Variants in RELN observed in about 807,000 individuals in gnomAD.
RELN encodes reelin.
A neutral mutation model predicts 427.6 loss-of-function variants in RELN; 108 were observed. The observed-to-expected ratio is 0.25, with a 90% CI of 0.22 to 0.30. The LOEUF is 0.30. RELN is among the 10% of genes least tolerant of loss of function. RELN has a pLI of 1.00. For missense variants in RELN, 3,715 were observed against 4,302.8 expected, an observed-to-expected ratio of 0.86 and a Z score of 3.82; for synonymous variants, 1,524 against 1,513.4, an observed-to-expected ratio of 1.01 and a Z score of -0.16.
intron 44 of RELN, among the ~76,000 whole-genome samples, chr7:103,539,685 T>C (rs1291725986): frequency 1.3e-5 from 2 of 152,228 alleles, no homozygotes; most frequent in African/African-American, 4.8e-5. Flanking sequence ...CCTAAGGCAT[T>C]TCAGTTCCAA....
intron 10 of RELN, 108 bp from the exon 11 acceptor site, chr7:103,682,369 T>A: frequency 8.9e-7 from 1 of 1,120,106 alleles, no homozygotes; most frequent in Admixed American, 1.7e-5. Flanking sequence ...TATTAGCTCC[T>A]CTATGATGGA....
intron 2 of RELN, among the ~76,000 whole-genome samples, chr7:103,871,022 G>C (rs746411602): frequency 7.9e-5 from 12 of 152,072 alleles, no homozygotes; most frequent in African/African-American, 1.2e-4. Flanking sequence ...CAGAAAACAG[G>C]GGTGATCATG....
chr7:103,721,060 C>T (rs1790064036), intron 8 of RELN, among the ~76,000 whole-genome samples: 1 of 152,120 alleles, frequency 6.6e-6, no homozygotes. Flanking sequence ...CAATAAATTA[C>T]AATTTCTTTT....
In RELN at chr7:103,890,346, C is replaced by T. The variant is rs539876470; in HGVS notation, c.337+26729G>A. Among the ~76,000 whole-genome samples the T allele has an allele frequency of 2.0e-5, 3 of 152,174 alleles. No individual in the cohort carries two copies. In the South Asian group the frequency reaches 6.2e-4, roughly 32 times the overall value. On this transcript the variant is annotated intron_variant, in intron 2 of 64. Coordinates refer to ENST00000428762, the MANE Select transcript of RELN (RefSeq NM_005045.4). ...ACAGGTGTCCCCAACTGCAGGGCCACGGAGCAGTAGTGGTCCCTGGCCCAT... is the reference window on the plus strand; with the variant it reads ...ACAGGTGTCCCCAACTGCAGGGCCATGGAGCAGTAGTGGTCCCTGGCCCAT...
Position 103,574,165 on chromosome 7 carries a change from C to T in RELN, c.4438G>A (p.Gly1480Ser), listed in dbSNP as rs201371893. 1 of 1,614,164 alleles carries T rather than the reference C, an allele frequency of 6.2e-7. No homozygotes were observed. The change falls in exon 30 of 65, where the codon GGC (glycine) becomes AGC (serine). Residue 1480 changes from glycine to serine, a missense_variant. This residue lies in a region of RELN where 2,208 missense variants were observed against 2,361.7 expected (regional missense o/e 0.93). Transcript: ENST00000428762. ...GGGCCATTGAAGTAGAGAGATTTGC[C>T]ATCGTTAAGTGTTCCACAGCCAGTT... ...VGTGCGTLND[G>S]KSLYFNGPGK...
chr7:103,597,368 C>T (rs1055749976), intron 24 of RELN, among the ~76,000 whole-genome samples: 8 of 152,062 alleles, frequency 5.3e-5, no homozygotes, highest in African/African-American at 1.7e-4. Context: ...TTTGGGAGGC[C>T]GAAGTGGGTG....
chr7:103,759,415 C>T (rs993907917), intron 4 of RELN, among the ~76,000 whole-genome samples: 1 of 152,096 alleles, frequency 6.6e-6, no homozygotes, highest in African/African-American at 2.4e-5. Context: ...TAACATGCTT[C>T]TTGGTCTCTT....
At chr7:103,791,036 A>G (rs1415623396) in intron 3 of RELN, among the ~76,000 whole-genome samples, 3 of 152,192 alleles carry the variant, frequency 2.0e-5, no homozygotes, top group Non-Finnish European at 1.5e-5. Context: ...ATTGAAAAGA[A>G]TAAGGTACTT....
intron 1 of RELN, among the ~76,000 whole-genome samples, chr7:103,966,904 A>G (rs1796671101): frequency 6.6e-6 from 1 of 152,114 alleles, no homozygotes; most frequent in Non-Finnish European, 1.5e-5. Context: ...TGCTTCCACC[A>G]TTTCTTCAAC....
At position 103,640,864 on chromosome 7, in the gene RELN, C is replaced by A. The variant is rs1281961075; in HGVS notation, c.2003-255G>T. On this transcript the variant is annotated intron_variant, in intron 16 of 64. Transcript: ENST00000428762. This position sits in a 1 kb window ranked among gnomAD's most constrained non-coding sequence, Gnocchi z 4.1. Reference sequence around the variant, plus strand: ...AAGATAGGAGCTTATGATTTGAATTCTTAATAGAGTCTATTAGACAATATT... The same window carrying A: ...AAGATAGGAGCTTATGATTTGAATTATTAATAGAGTCTATTAGACAATATT... Among the ~76,000 whole-genome samples the A allele has an allele frequency of 6.6e-6, 1 of 152,120 alleles. No individual in the cohort carries two copies. Among genetic ancestry groups the A allele is most frequent in the African/African-American group, 2.4e-5 (1 of 41,436 alleles).
At chr7:103,510,470 C>T (rs916730924) in intron 51 of RELN, among the ~76,000 whole-genome samples, 14 of 151,800 alleles carry the variant, frequency 9.2e-5, no homozygotes, top group Middle Eastern at 3.4e-3. Flanking sequence ...AGGAACATCA[C>T]GCACTGTGGG....
In RELN at chr7:103,961,122, T is replaced by C. The variant is rs117254464; in HGVS notation, c.226+28009A>G. On this transcript the variant is annotated intron_variant, in intron 1 of 64. Coordinates refer to ENST00000428762, the MANE Select transcript of RELN (RefSeq NM_005045.4). ...CAAGAAATAGAACAGTAGACATGCC[T>C]GTTATAGGTACCTGTATTCTTCACT... is the stretch of plus-strand genomic sequence containing the variant. Among the ~76,000 whole-genome samples the C allele has an allele frequency of 2.8e-3, 432 of 152,370 alleles. 2 individuals carry two copies. Among genetic ancestry groups the C allele is most frequent in the Non-Finnish European group, 5.0e-3 (342 of 68,038 alleles).
At chr7:103,900,787 A>G (rs963166828) in intron 2 of RELN, among the ~76,000 whole-genome samples, 1 of 152,118 alleles carries the variant, frequency 6.6e-6, no homozygotes, top group Non-Finnish European at 1.5e-5. Context: ...CTGGCTAGCT[A>G]TATGCAGAAA....
At chr7:103,490,907 G>T in intron 58 of RELN, 78 bp from the exon 59 acceptor site, 2 of 1,432,976 alleles carry the variant, frequency 1.4e-6, no homozygotes, top group Non-Finnish European at 1.9e-6. Context: ...AATGCTTTGT[G>T]ATCGGGTTAA....
chr7:103,710,007 TAAGACA>T (rs1415823690), intron 8 of RELN, among the ~76,000 whole-genome samples: 2 of 152,156 alleles, frequency 1.3e-5, no homozygotes, highest in African/African-American at 4.8e-5. Flanking sequence ...GAAGTGTCAA[TAAGACA>T]AATGTCAGAA....
At chr7:103,934,338 C>T (rs1795932808) in intron 1 of RELN, among the ~76,000 whole-genome samples, 1 of 152,138 alleles carries the variant, frequency 6.6e-6, no homozygotes, top group African/African-American at 2.4e-5. Flanking sequence ...TGCATGCCTG[C>T]CAGACACATT....
chr7:103,473,903 C>T (rs1366573928), intron 64 of RELN, among the ~76,000 whole-genome samples: 1 of 152,066 alleles, frequency 6.6e-6, no homozygotes, highest in Non-Finnish European at 1.5e-5. Flanking sequence ...GGTCCCAAAG[C>T]CTTTTCTCCC....
intron 28 of RELN, among the ~76,000 whole-genome samples, chr7:103,586,319 C>T (rs187303150): frequency 1.3e-3 from 200 of 152,024 alleles, no homozygotes; most frequent in Non-Finnish European, 2.3e-3. Context: ...GCAGAGATCA[C>T]GCCATTGCAC....
intron 51 of RELN, among the ~76,000 whole-genome samples, chr7:103,509,409 T>G (rs932962243): frequency 2.0e-5 from 3 of 152,182 alleles, no homozygotes; most frequent in Non-Finnish European, 4.4e-5. Flanking sequence ...GGGGAAAGGA[T>G]TCCCTATTTA....
Sources: gnomAD v4.1 joint callset for allele counts (sites outside exome capture counted in the v4.1 genomes callset) on GRCh38, gnomAD v4.1.1 for gene constraint, gnomAD v4.1.1 regional missense constraint, Gnocchi (gnomAD v3.1) non-coding constraint, MANE v1.5 for transcripts, NCBI Gene and HGNC (gene_info 2026-07-23, HGNC 2026-07-21) for gene names.